Variants in NEK1 observed in about 807,000 individuals in gnomAD.
The protein encoded by NEK1 is serine/threonine-protein kinase Nek1.
Under a neutral mutation model 182.1 loss-of-function variants are expected in NEK1, and 137 were observed. The observed-to-expected ratio is 0.75, with a 90% confidence interval of 0.65 to 0.87. The LOEUF (loss-of-function observed/expected upper bound fraction) is 0.87, where lower values mean the gene tolerates loss of function less well. Ranked by LOEUF, NEK1 falls within the 40% of genes least tolerant of loss-of-function variation. The pLI, the probability that NEK1 is intolerant of heterozygous loss-of-function variation, is 0.00. For synonymous variants in NEK1, 513 were observed against 492.2 expected, an observed-to-expected ratio of 1.04 and a Z score of -0.56; for missense variants, 1,391 against 1,494.4, an observed-to-expected ratio of 0.93 and a Z score of 1.14.
intron 29 of NEK1, among the ~76,000 whole-genome samples, chr4:169,427,372 C>T (rs141439424): frequency 0.1 from 15,219 of 152,206 alleles, 977 homozygotes; most frequent in Non-Finnish European, 0.15. Context: ...GAGATCCGCC[C>T]GCCTCGGCCT....
At chr4:169,484,589 C>T (rs772220281) in intron 23 of NEK1, among the ~76,000 whole-genome samples, 1 of 152,016 alleles carries the variant, frequency 6.6e-6, no homozygotes, top group Non-Finnish European at 1.5e-5. Flanking sequence ...GAGATAAGTA[C>T]TAAACGATCT....
At chr4:169,467,160 A>C (rs147489357) in intron 26 of NEK1, among the ~76,000 whole-genome samples, 1 of 152,276 alleles carries the variant, frequency 6.6e-6, no homozygotes, top group African/African-American at 2.4e-5. Flanking sequence ...AGAATATAGT[A>C]TATAATACGT....
chr4:169,464,386 G>A (rs1744544019), intron 26 of NEK1, among the ~76,000 whole-genome samples: 2 of 152,096 alleles, frequency 1.3e-5, no homozygotes, highest in Non-Finnish European at 1.5e-5. Flanking sequence ...AGCAGCTGAG[G>A]GATCAGAAAG....
At chr4:169,396,587 G>T (rs1730765101) in intron 35 of NEK1, among the ~76,000 whole-genome samples, 1 of 151,812 alleles carries the variant, frequency 6.6e-6, no homozygotes, top group African/African-American at 2.4e-5. Flanking sequence ...ATCTAGCTAT[G>T]GAAAAAAAAG....
At chr4:169,467,918 G>A (rs535190557) in intron 26 of NEK1, among the ~76,000 whole-genome samples, 1 of 151,860 alleles carries the variant, frequency 6.6e-6, no homozygotes, top group African/African-American at 2.4e-5. Context: ...TATTTTAAAG[G>A]ATTAAAAATG....
At chr4:169,499,046 C>G (rs902441780) in intron 23 of NEK1, among the ~76,000 whole-genome samples, 9 of 152,226 alleles carry the variant, frequency 5.9e-5, no homozygotes, top group Non-Finnish European at 1.2e-4. Flanking sequence ...GTACACCAAT[C>G]AGACGTAGAT....
At chr4:169,556,287 A>C (rs1242120658) in intron 16 of NEK1, among the ~76,000 whole-genome samples, 192 bp from the exon 17 acceptor site, 1 of 152,228 alleles carries the variant, frequency 6.6e-6, no homozygotes, top group African/African-American at 2.4e-5. Context: ...AAAAAGCAGT[A>C]TACTTTGTAA....
chr4:169,425,804 C>T (rs1736288039), intron 30 of NEK1, among the ~76,000 whole-genome samples: 1 of 152,160 alleles, frequency 6.6e-6, no homozygotes, highest in Non-Finnish European at 1.5e-5. Flanking sequence ...AGGTGTAAGC[C>T]ATTACACCCA....
intron 31 of NEK1, among the ~76,000 whole-genome samples, chr4:169,423,412 T>A (rs1041461632): frequency 2.6e-5 from 4 of 152,160 alleles, no homozygotes; most frequent in Non-Finnish European, 4.4e-5. Context: ...CAAAATGACA[T>A]ATTTAAAAAA....
intron 18 of NEK1, among the ~76,000 whole-genome samples, chr4:169,542,310 T>C (rs945625768): frequency 2.0e-5 from 3 of 151,986 alleles, no homozygotes; most frequent in Admixed American, 6.6e-5. Flanking sequence ...ATGGTTACCA[T>C]GTCCCTGCAA....
chr4:169,419,918 T>C (rs778876694), intron 31 of NEK1, among the ~76,000 whole-genome samples: 2 of 152,184 alleles, frequency 1.3e-5, no homozygotes, highest in African/African-American at 2.4e-5. Flanking sequence ...TATAGGTACT[T>C]ACCATGAATG....
At chr4:169,490,214 A>G (rs1749801775) in intron 23 of NEK1, among the ~76,000 whole-genome samples, 1 of 152,134 alleles carries the variant, frequency 6.6e-6, no homozygotes, top group African/African-American at 2.4e-5. Context: ...CATGGACACT[A>G]CACTACCGTG....
At chr4:169,447,961 G>T (rs1274533372) in intron 27 of NEK1, among the ~76,000 whole-genome samples, 1 of 152,038 alleles carries the variant, frequency 6.6e-6, no homozygotes, top group African/African-American at 2.4e-5. Context: ...GAGGTGGGAG[G>T]ATTGCTGGAA....
rs935957525 is a variant in NEK1, at chr4:169,612,325, T to A, written c.-276A>T. The A allele has an allele frequency of 3.9e-5, 6 of 152,264 alleles. No homozygotes were observed. Among genetic ancestry groups the A allele is most frequent in the Non-Finnish European group, 8.8e-5 (6 of 68,088 alleles). The allele number at this position is 152,264 out of a possible 1,614,324, so 9.4% of individuals were successfully genotyped here. On this transcript the variant is annotated 5_prime_UTR_variant, in exon 1 of 36. Coordinates refer to ENST00000507142, the MANE Select transcript of NEK1 (RefSeq NM_001199397.3). ...ACCCCGACGAAACAAACAAACTGGT[T>A]TCTGAGCCCCGTAGAAACGGCGGGG...
At chr4:169,577,994 G>C (rs888980113) in intron 11 of NEK1, among the ~76,000 whole-genome samples, 2 of 151,866 alleles carry the variant, frequency 1.3e-5, no homozygotes, top group Non-Finnish European at 2.9e-5. Context: ...AAAGACTGCT[G>C]GCAGAAATAT....
chr4:169,575,928 C>T (rs79394885), intron 12 of NEK1, among the ~76,000 whole-genome samples: 5,717 of 151,704 alleles, frequency 0.038, 136 homozygotes, highest in Middle Eastern at 0.12. Context: ...AATTTTTTTA[C>T]AATCTCTCAT....
chr4:169,437,673 C>T (rs746332271), intron 28 of NEK1, among the ~76,000 whole-genome samples: 3 of 152,106 alleles, frequency 2.0e-5, no homozygotes, highest in Non-Finnish European at 2.9e-5. Context: ...CATAGAATAG[C>T]CCTGAAACCA....
chr4:169,508,829 A>G lies in NEK1; in HGVS notation c.1689T>C (p.Ala563=), dbSNP rs751424327. Reference sequence around the variant, plus strand: ...AAGAGCTGGGCCTGCCTCCATACATAGCTGCCAGGTTTTGCAGGATTCCCT... The same window carrying G: ...AAGAGCTGGGCCTGCCTCCATACATGGCTGCCAGGTTTTGCAGGATTCCCT... ...GHMGILQNLA[A]MYGGRPSSSR... is the part of the protein sequence containing the mutation. The change falls in exon 20 of 36, where the codon GCT becomes GCC. Residue 563 remains alanine, a synonymous_variant. Transcript: ENST00000507142. The G allele has an allele frequency of 8.2e-6, 13 of 1,592,070 alleles. No individual in the cohort carries two copies. The highest frequency in any genetic ancestry group is 1.1e-5 in the Non-Finnish European group (13 of 1,176,854).
intron 12 of NEK1, among the ~76,000 whole-genome samples, chr4:169,564,634 C>T (rs1451391096): frequency 6.6e-6 from 1 of 152,006 alleles, no homozygotes; most frequent in African/African-American, 2.4e-5. Flanking sequence ...TTTACTTTCA[C>T]TGAAAACAAT....
Sources: allele counts gnomAD v4.1 joint callset (sites outside exome capture counted in the v4.1 genomes callset), GRCh38; gene constraint gnomAD v4.1.1; transcripts MANE v1.5; gene names NCBI Gene and HGNC (gene_info 2026-07-23, HGNC 2026-07-21).